The following RPTOR variants were observed in gnomAD, a reference collection of about 807,000 sequenced individuals.
RPTOR encodes regulatory-associated protein of mTOR.
In RPTOR, 21 loss-of-function variants were observed where a neutral mutation model predicts 169.9. The observed-to-expected ratio is 0.12, with a 90% CI of 0.09 to 0.18. The LOEUF (loss-of-function observed/expected upper bound fraction) is 0.18. RPTOR is among the 10% of genes least tolerant of loss of function. The probability of loss-of-function intolerance (pLI) is 1.00; values close to 1 mark genes in which losing one functional copy is unlikely to be tolerated. For missense variants in RPTOR, 1,133 were observed against 1,855.9 expected, an observed-to-expected ratio of 0.61 and a Z score of 7.16; for synonymous variants, 732 against 753.2, an observed-to-expected ratio of 0.97 and a Z score of 0.46.
chr17:80,774,056 G>A (rs955485328), intron 6 of RPTOR: 108 of 985,294 alleles, frequency 1.1e-4, no homozygotes, highest in South Asian at 7.5e-4. Flanking sequence ...CTATTTCTTC[G>A]TTGAAAGAAG....
chr17:80,561,257 ATATATG>A (rs1241047321), intron 1 of RPTOR, among the ~76,000 whole-genome samples: 95 of 4,776 alleles, frequency 0.02, 2 homozygotes, highest in Admixed American at 0.046. Flanking sequence ...ATATGTATAT[ATATATG>A]TATATATATA....
Position 80,721,149 on chromosome 17 carries a change from C to T in RPTOR, c.508-9411C>T, listed in dbSNP as rs1052494856. ...CTAGACAAGGGGAGGCCTGGGAGTG[C>T]GAGGGGGCTCTGGTGACAGGAAGTA... On this transcript the variant is annotated intron_variant, in intron 4 of 33. Transcript: ENST00000306801. This position sits in a 1 kb window ranked among gnomAD's most constrained non-coding sequence, Gnocchi z 4.7. 6.6e-6 allele frequency among the ~76,000 whole-genome samples: 1 copy of T among 150,704 alleles called. No homozygotes were observed. The highest frequency in any genetic ancestry group is 1.5e-5 in the Non-Finnish European group (1 of 67,976).
chr17:80,879,563 T>C (rs922271021), intron 13 of RPTOR, among the ~76,000 whole-genome samples: 2 of 151,416 alleles, frequency 1.3e-5, no homozygotes, highest in African/African-American at 4.9e-5. Flanking sequence ...CGTAAAGAGG[T>C]CTCCAAAAAG....
At chr17:80,586,357 G>A (rs568825664) in intron 1 of RPTOR, among the ~76,000 whole-genome samples, 5 of 152,268 alleles carry the variant, frequency 3.3e-5, no homozygotes, top group Admixed American at 2.0e-4. Context: ...CCTGTATGTA[G>A]TAACCACGTC....
rs138539833 is a variant in RPTOR at position 80,690,462 on chromosome 17, C to T, written c.349-17379C>T. On this transcript the variant is annotated intron_variant, in intron 3 of 33. Coordinates refer to ENST00000306801, the MANE Select transcript of RPTOR (RefSeq NM_020761.3). Reference sequence around the variant, plus strand: ...CAAAAGTCAGTCCCTCACCCCAGCACTCTCTGTGCACCTGTCTGCCTGTCT... The same window carrying T: ...CAAAAGTCAGTCCCTCACCCCAGCATTCTCTGTGCACCTGTCTGCCTGTCT... Among the ~76,000 whole-genome samples the T allele has an allele frequency of 2.4e-3, 361 of 152,340 alleles. 2 individuals carry two copies. Among genetic ancestry groups the T allele is most frequent in the African/African-American group, 8.3e-3 (344 of 41,578 alleles).
At chr17:80,584,467 G>A (rs2065042379) in intron 1 of RPTOR, among the ~76,000 whole-genome samples, 2 of 152,002 alleles carry the variant, frequency 1.3e-5, no homozygotes, top group South Asian at 4.1e-4. Context: ...CCTGACCACC[G>A]AGAACAAAGA....
intron 10 of RPTOR, among the ~76,000 whole-genome samples, chr17:80,841,559 G>T (rs1265010378): frequency 9.1e-6 from 1 of 109,754 alleles, no homozygotes; most frequent in Non-Finnish European, 1.8e-5. Context: ...CACTCTCACC[G>T]CACGGCAGAT....
At chr17:80,595,490 C>T (rs2065138336) in intron 1 of RPTOR, among the ~76,000 whole-genome samples, 1 of 152,192 alleles carries the variant, frequency 6.6e-6, no homozygotes, top group Non-Finnish European at 1.5e-5. Flanking sequence ...GGGTCTCGCT[C>T]ATTCGCCCAG....
In RPTOR at chr17:80,887,029, C is replaced by T. The variant is rs530498740; in HGVS notation, c.1983+1881C>T. Among the ~76,000 whole-genome samples, 134 of 152,218 alleles carry T rather than the reference C, an allele frequency of 8.8e-4. 1 individual carries two copies. The highest frequency in any genetic ancestry group is 3.0e-3 in the African/African-American group (125 of 41,518). ...GTCAGCAGAGGCTTTTGTGGAGGGGCAGCTCTTACCTGGTTATGGAGGGTG... is the reference window on the plus strand; with the variant it reads ...GTCAGCAGAGGCTTTTGTGGAGGGGTAGCTCTTACCTGGTTATGGAGGGTG... On this transcript the variant is annotated intron_variant, in intron 17 of 33. Coordinates refer to ENST00000306801, the MANE Select transcript of RPTOR (RefSeq NM_020761.3).
chr17:80,816,117 G>C (rs1317913594), intron 7 of RPTOR, among the ~76,000 whole-genome samples: 5 of 152,338 alleles, frequency 3.3e-5, no homozygotes, highest in African/African-American at 1.2e-4. Context: ...TGTTTGAGTA[G>C]CTAAAAAGTA....
chr17:80,898,734 C>G (rs377672730), intron 20 of RPTOR, among the ~76,000 whole-genome samples: 5 of 141,108 alleles, frequency 3.5e-5, no homozygotes, highest in East Asian at 2.1e-4. Context: ...TCACCCAACC[C>G]CTGCTCACCC....
chr17:80,965,507 A>G lies in RPTOR; in HGVS notation c.*1177A>G. 8.6e-6 allele frequency: 2 copies of G among 233,378 alleles called. No homozygotes were observed. The highest frequency in any genetic ancestry group is 1.7e-5 in the Non-Finnish European group (2 of 118,078). 14.5% of individuals were successfully genotyped at this position (233,378 alleles called of 1,614,324 possible). ...TGAGCAGTTTTGCAAACAGAACACA[A>G]CCACAATGATGGTATTTTGAAAAGT... is the stretch of plus-strand genomic sequence containing the variant. On this transcript the variant is annotated 3_prime_UTR_variant, in exon 34 of 34. Transcript: ENST00000306801.
intron 1 of RPTOR, among the ~76,000 whole-genome samples, chr17:80,572,192 C>G (rs747105155): frequency 6.6e-6 from 1 of 152,086 alleles, no homozygotes; most frequent in Non-Finnish European, 1.5e-5. Flanking sequence ...TGACCTCCCA[C>G]GGTCAGGTGA....
intron 2 of RPTOR, among the ~76,000 whole-genome samples, chr17:80,638,383 T>G (rs1242414127): frequency 6.6e-6 from 1 of 151,896 alleles, no homozygotes; most frequent in African/African-American, 2.4e-5. Flanking sequence ...GGCTTATGGT[T>G]TAAAATGCTG....
At chr17:80,560,677 G>A (rs2084473476) in intron 1 of RPTOR, among the ~76,000 whole-genome samples, 1 of 152,180 alleles carries the variant, frequency 6.6e-6, no homozygotes, top group Non-Finnish European at 1.5e-5. Flanking sequence ...CCTCCTGCAA[G>A]GGGCCTTCCC....
chr17:80,753,242 T>G (rs1011196798), intron 5 of RPTOR, among the ~76,000 whole-genome samples: 4 of 152,218 alleles, frequency 2.6e-5, no homozygotes, highest in Non-Finnish European at 5.9e-5. Flanking sequence ...ACTCACATTT[T>G]GTGGTTTGCC....
At chr17:80,755,641 A>G (rs1186922548) in intron 6 of RPTOR, among the ~76,000 whole-genome samples, 1 of 147,706 alleles carries the variant, frequency 6.8e-6, no homozygotes, top group East Asian at 2.1e-4. Context: ...TAGGAGGCTG[A>G]GGTACTAGAA....
At chr17:80,876,237 G>A (rs1475680335) in intron 13 of RPTOR, among the ~76,000 whole-genome samples, 1 of 60,452 alleles carries the variant, frequency 1.7e-5, no homozygotes. Flanking sequence ...TGTGTGTGTC[G>A]CCTGCCGGGT....
intron 6 of RPTOR, among the ~76,000 whole-genome samples, chr17:80,761,745 C>T (rs2066738470): frequency 1.3e-5 from 2 of 152,212 alleles, no homozygotes; most frequent in South Asian, 4.1e-4. Flanking sequence ...ACACTTTCTT[C>T]TGCCCGTTCA....
Sources: gnomAD v4.1 joint callset for allele counts (sites outside exome capture counted in the v4.1 genomes callset) on GRCh38, gnomAD v4.1.1 for gene constraint, Gnocchi (gnomAD v3.1) non-coding constraint, MANE v1.5 for transcripts, NCBI Gene and HGNC (gene_info 2026-07-23, HGNC 2026-07-21) for gene names.